The following MED21 variants were observed in gnomAD, a reference collection of about 807,000 sequenced individuals.
MED21 encodes mediator complex subunit 21, also known as mediator of RNA polymerase II transcription subunit 21.
MED21 carries 9 observed loss-of-function variants against 18.2 expected under a neutral mutation model. The ratio of observed to expected loss-of-function variants is 0.49; its 90% CI spans 0.30 to 0.86. The LOEUF is 0.86. Among genes scored for constraint, MED21 ranks in the 40% least tolerant of loss-of-function variants. The probability of loss-of-function intolerance (pLI) is 0.07; values close to 1 mark genes in which losing one functional copy is unlikely to be tolerated. For synonymous variants in MED21, 73 were observed against 60.5 expected (o/e 1.21, Z -0.96); for missense variants, 150 against 170.9 (o/e 0.88, Z 0.68).
Position 27,028,537 on chromosome 12 carries a change from A to C in MED21, c.*76A>C. 6.6e-7 allele frequency: 1 copy of C among 1,506,982 alleles called. No homozygotes were observed. Among genetic ancestry groups the C allele is most frequent in the Non-Finnish European group, 8.9e-7 (1 of 1,123,166 alleles). 93.4% of individuals were successfully genotyped at this position (1,506,982 alleles called of 1,614,324 possible). ...GAATTCTGCATCAGACTTAGATACA[A>C]GCCTTACCAACAATTACAGAAACAT... On this transcript the variant is annotated 3_prime_UTR_variant, in exon 4 of 4. Coordinates refer to ENST00000282892, the MANE Select transcript of MED21 (RefSeq NM_004264.5).
At chr12:27,036,990 G>C (rs1483051112) in intron 2 of MED21, 2 of 152,140 alleles carry the variant, frequency 1.3e-5, no homozygotes, top group Non-Finnish European at 2.9e-5. Flanking sequence ...GGCATTGGTA[G>C]CTTGATGGGG....
rs1198778617 is a variant in MED21 at position 27,030,162 on chromosome 12, A to C, written c.*1701A>C. 10 of 653,772 alleles carry C rather than the reference A, an allele frequency of 1.5e-5. No individual in the cohort carries two copies. Among genetic ancestry groups the C allele is most frequent in the Non-Finnish European group, 1.4e-5 (5 of 356,404 alleles). 40.5% of individuals were successfully genotyped at this position (653,772 alleles called of 1,614,324 possible). On this transcript the variant is annotated 3_prime_UTR_variant, in exon 4 of 4. Coordinates refer to ENST00000282892, the MANE Select transcript of MED21 (RefSeq NM_004264.5). ...TCTTGTTTCTGTTTTTTTAAGGTGA[A>C]GTCTCTGTCACCCAAGCTGAAGTGC...
rs1941584024 is a variant in MED21 at position 27,029,164 on chromosome 12, T to A, written c.*703T>A. 1 of 985,268 alleles carries A rather than the reference T, an allele frequency of 1.0e-6. No homozygotes were observed. The highest frequency in any genetic ancestry group is 1.7e-5 in the African/African-American group (1 of 57,242). The allele number at this position is 985,268 out of a possible 1,614,324, so 61.0% of individuals were successfully genotyped here. ...TGCTTTTTTTCATCCTTAATTTGCT[T>A]GTCATCACAATGAAGTATGTTTTTT... On this transcript the variant is annotated 3_prime_UTR_variant, in exon 4 of 4. Coordinates refer to ENST00000282892, the MANE Select transcript of MED21 (RefSeq NM_004264.5).
chr12:27,031,271 G>A (rs371968550), downstream of MED21, among the ~76,000 whole-genome samples: 2 of 152,280 alleles, frequency 1.3e-5, no homozygotes, highest in East Asian at 1.9e-4. Flanking sequence ...GGCCATTAGA[G>A]CCTTTCAAGA....
Position 27,028,582 on chromosome 12 carries a change from C to A in MED21, c.*121C>A. ...AAACATTAAACACTATGACACATTA[C>A]CTTTTTAGCTATTTTTAATAGTCTT... On this transcript the variant is annotated 3_prime_UTR_variant, in exon 4 of 4. Coordinates refer to ENST00000282892, the MANE Select transcript of MED21 (RefSeq NM_004264.5). The A allele has an allele frequency of 7.4e-7, 1 of 1,355,480 alleles. No individual in the cohort carries two copies. The highest frequency in any genetic ancestry group is 1.4e-5 in the African/African-American group (1 of 69,228). The allele number at this position is 1,355,480 out of a possible 1,614,324, so 84.0% of individuals were successfully genotyped here.
At position 27,022,562 on chromosome 12, in the gene MED21, G is replaced by A. The variant is rs764826857; in HGVS notation, c.-18G>A. 4 of 1,535,526 alleles carry A rather than the reference G, an allele frequency of 2.6e-6. No homozygotes were observed. Among genetic ancestry groups the A allele is most frequent in the Non-Finnish European group, 3.5e-6 (4 of 1,134,568 alleles). On this transcript the variant is annotated 5_prime_UTR_variant, in exon 1 of 4. Transcript: ENST00000282892. ...CGGAAGAGCAGCTGTTTTGGCGTCT[G>A]TTTGCTGCGGTAGGAACATGGCGGA...
chr12:27,023,252 C>T (rs1367640009), intron 1 of MED21, among the ~76,000 whole-genome samples: 1 of 148,408 alleles, frequency 6.7e-6, no homozygotes, highest in African/African-American at 2.5e-5. Flanking sequence ...GATAGGAAAT[C>T]TTCTAATCCT....
chr12:27,033,010 G>C (rs1384939253), downstream of MED21, among the ~76,000 whole-genome samples: 1 of 151,962 alleles, frequency 6.6e-6, no homozygotes. Context: ...TTTCTAGCCT[G>C]TTTATTCCTC....
At chr12:27,038,385 G>A (rs1370340014) in intron 2 of MED21, 2 of 151,778 alleles carry the variant, frequency 1.3e-5, no homozygotes, top group Admixed American at 1.3e-4. Context: ...AAATTATAAA[G>A]CTTCATTTAA....
rs1941605331 is a variant in MED21, at chr12:27,030,402, A to G, written c.*1941A>G. On this transcript the variant is annotated 3_prime_UTR_variant, in exon 4 of 4. Coordinates refer to ENST00000282892, the MANE Select transcript of MED21 (RefSeq NM_004264.5). ...AATACTATACAGTAGACTATAAGAA[A>G]TTAAGTATTTGTATCATCCCTAGAG... is the stretch of plus-strand genomic sequence containing the variant. 7.7e-6 allele frequency: 3 copies of G among 391,814 alleles called. No individual in the cohort carries two copies. The East Asian group carries it at 1.1e-4, about 14-fold the overall frequency. 24.3% of individuals were successfully genotyped at this position (391,814 alleles called of 1,614,324 possible). A position where few individuals can be genotyped will look rare whatever the true frequency, so the allele number is the denominator to read the frequency against.
chr12:27,024,846 G>C (rs1302300648), intron 1 of MED21, among the ~76,000 whole-genome samples: 1 of 152,198 alleles, frequency 6.6e-6, no homozygotes, highest in East Asian at 1.9e-4. Context: ...ATAATGAATT[G>C]AGTATTTTCA....
chr12:27,036,968 T>C (rs1426178791), intron 2 of MED21: 1 of 152,194 alleles, frequency 6.6e-6, no homozygotes, highest in Non-Finnish European at 1.5e-5. Flanking sequence ...TTTTTCCAAT[T>C]CTGTGAAGAA....
rs983753615 is a variant in MED21, at chr12:27,022,936, C to A, written c.42+315C>A. 1.3e-5 allele frequency: 16 copies of A among 1,224,414 alleles called. No homozygotes were observed. The Admixed American group carries it at 5.1e-4, about 39-fold the overall frequency. The allele number at this position is 1,224,414 out of a possible 1,614,324, so 75.8% of individuals were successfully genotyped here. A position where few individuals can be genotyped will look rare whatever the true frequency, so the allele number is the denominator to read the frequency against. On this transcript the variant is annotated intron_variant, in intron 1 of 3. Coordinates refer to ENST00000282892, the MANE Select transcript of MED21 (RefSeq NM_004264.5). ...TGTTCCCTGAGGACAGTTTTATTTT[C>A]TTGTCAGTGGTGCTTACGGGTTCTC...
chr12:27,028,577 C>G lies in MED21; in HGVS notation c.*116C>G. 1 of 1,389,762 alleles carries G rather than the reference C, an allele frequency of 7.2e-7. No individual in the cohort carries two copies. The highest frequency in any genetic ancestry group is 9.4e-7 in the Non-Finnish European group (1 of 1,067,230). The allele number at this position is 1,389,762 out of a possible 1,614,324, so 86.1% of individuals were successfully genotyped here. A position where few individuals can be genotyped will look rare whatever the true frequency, so the allele number is the denominator to read the frequency against. On this transcript the variant is annotated 3_prime_UTR_variant, in exon 4 of 4. Transcript: ENST00000282892. ...TACAGAAACATTAAACACTATGACA[C>G]ATTACCTTTTTAGCTATTTTTAATA...
rs77394744 is a variant in MED21 at position 27,022,643 on chromosome 12, G to T, written c.42+22G>T. On this transcript the variant is annotated intron_variant, in intron 1 of 3. Transcript: ENST00000282892. ...TTCGGTGAGGAATTTCATTCGATTAGCCTCTGTCTTTCTCTTTCTTGAGGT... is the reference window on the plus strand; with the variant it reads ...TTCGGTGAGGAATTTCATTCGATTATCCTCTGTCTTTCTCTTTCTTGAGGT... 3.8e-3 allele frequency: 6,133 copies of T among 1,607,402 alleles called. 211 individuals carry two copies. In the African/African-American group the frequency reaches 0.071, roughly 19 times the overall value.
At chr12:27,032,161 C>T (rs1438774274), downstream of MED21, among the ~76,000 whole-genome samples, 3 of 152,086 alleles carry the variant, frequency 2.0e-5, no homozygotes, top group Admixed American at 2.0e-4. Context: ...GACTCTACGC[C>T]CCTGTTGAAA....
In MED21 at chr12:27,028,536, A is replaced by G; in HGVS notation, c.*75A>G. On this transcript the variant is annotated 3_prime_UTR_variant, in exon 4 of 4. Coordinates refer to ENST00000282892, the MANE Select transcript of MED21 (RefSeq NM_004264.5). ...AGAATTCTGCATCAGACTTAGATAC[A>G]AGCCTTACCAACAATTACAGAAACA... 1 of 1,506,010 alleles carries G rather than the reference A, an allele frequency of 6.6e-7. No homozygotes were observed. Among genetic ancestry groups the G allele is most frequent in the South Asian group, 1.4e-5 (1 of 72,206 alleles). The allele number at this position is 1,506,010 out of a possible 1,614,324, so 93.3% of individuals were successfully genotyped here. A position where few individuals can be genotyped will look rare whatever the true frequency, so the allele number is the denominator to read the frequency against.
At chr12:27,022,970 G>T (rs112422879) in intron 1 of MED21, 1 of 1,095,106 alleles carries the variant, frequency 9.1e-7, no homozygotes, top group Non-Finnish European at 1.1e-6. Context: ...TCTTTCTTTT[G>T]GGGGTTGGGA....
At chr12:27,032,909 C>T (rs1184173353), downstream of MED21, among the ~76,000 whole-genome samples, 5 of 152,164 alleles carry the variant, frequency 3.3e-5, no homozygotes, top group Admixed American at 3.3e-4. Flanking sequence ...CCTCCTTTTC[C>T]CCTCCTGAAA....
Sources: gnomAD v4.1 joint callset for allele counts (sites outside exome capture counted in the v4.1 genomes callset) on GRCh38, gnomAD v4.1.1 for gene constraint, MANE v1.5 for transcripts, NCBI Gene and HGNC (gene_info 2026-07-23, HGNC 2026-07-21) for gene names.